Variants in CCDC62 observed in about 807,000 individuals in gnomAD.
The protein encoded by CCDC62 is coiled-coil domain containing 62.
Under a neutral mutation model 80.8 loss-of-function variants are expected in CCDC62, and 72 were observed. That is an observed-to-expected ratio of 0.89 (90% confidence interval 0.74 to 1.08). The LOEUF is 1.08. CCDC62 is among the 50% of genes least tolerant of loss of function. CCDC62 has a pLI of 0.00. For missense variants in CCDC62, 704 were observed against 809.4 expected, an observed-to-expected ratio of 0.87 and a Z score of 1.58; for synonymous variants, 286 against 296.5, an observed-to-expected ratio of 0.96 and a Z score of 0.36.
At chr12:122,781,568 C>T (rs1485063684) in intron 3 of CCDC62, among the ~76,000 whole-genome samples, 1 of 151,984 alleles carries the variant, frequency 6.6e-6, no homozygotes, top group Admixed American at 6.6e-5. Context: ...GCCTGTAGTC[C>T]CAGCTACTCA....
intron 6 of CCDC62, among the ~76,000 whole-genome samples, chr12:122,796,769 AAAT>A (rs2030981029): frequency 1.3e-5 from 2 of 152,100 alleles, no homozygotes; most frequent in Admixed American, 1.3e-4. Context: ...ATTTTTAAAT[AAAT>A]AATTGAAGTA....
chr12:122,786,222 G>A (rs372186327), intron 4 of CCDC62, among the ~76,000 whole-genome samples: 1,766 of 152,014 alleles, frequency 0.012, 36 homozygotes, highest in African/African-American at 0.041. Flanking sequence ...GTCTCAGCTC[G>A]CTGCAAGCTC....
Position 122,813,561 on chromosome 12 carries a change from G to A in CCDC62, c.2001+142G>A, listed in dbSNP as rs1437787979. On this transcript the variant is annotated intron_variant, in intron 11 of 12. Transcript: ENST00000253079. Reference sequence around the variant, plus strand: ...TCTAGGGAGGAAAGGGAACATGCTTGTTTTAAGGAGGAAAAAGTTACACTT... The same window carrying A: ...TCTAGGGAGGAAAGGGAACATGCTTATTTTAAGGAGGAAAAAGTTACACTT... The A allele has an allele frequency of 1.6e-5, 11 of 705,148 alleles. No individual in the cohort carries two copies. The East Asian group carries it at 3.4e-4, about 22-fold the overall frequency. 43.7% of individuals were successfully genotyped at this position (705,148 alleles called of 1,614,324 possible).
intron 3 of CCDC62, among the ~76,000 whole-genome samples, chr12:122,785,070 CAG>C (rs1380196646): frequency 6.7e-6 from 1 of 149,186 alleles, no homozygotes; most frequent in Non-Finnish European, 1.5e-5. Flanking sequence ...ATCCAGGAGG[CAG>C]AGGTTGCAGT....
chr12:122,810,362 T>C (rs957971112), intron 10 of CCDC62, among the ~76,000 whole-genome samples: 7 of 152,160 alleles, frequency 4.6e-5, no homozygotes, highest in African/African-American at 1.7e-4. Flanking sequence ...GGGCGAAGGA[T>C]ATGAATAGAC....
In CCDC62 at chr12:122,798,247, T is replaced by G. The variant is rs373845954; in HGVS notation, c.977+47T>G. The G allele has an allele frequency of 5.6e-5, 52 of 934,232 alleles. No homozygotes were observed. The African/African-American group carries it at 7.0e-4, about 13-fold the overall frequency. The allele number at this position is 934,232 out of a possible 1,614,324, so 57.9% of individuals were successfully genotyped here. A position where few individuals can be genotyped will look rare whatever the true frequency, so the allele number is the denominator to read the frequency against. On this transcript the variant is annotated intron_variant, in intron 8 of 12. Transcript: ENST00000253079. ...TAATATGATCTTGTATTATATTCCA[T>G]CAGCCAGTATTTACTGCGCACTTAC... is the stretch of plus-strand genomic sequence containing the variant.
chr12:122,795,747 A>T (rs1048340700), intron 6 of CCDC62, among the ~76,000 whole-genome samples: 5 of 152,152 alleles, frequency 3.3e-5, no homozygotes, highest in Admixed American at 2.0e-4. Context: ...GCTTGTACAT[A>T]ACTAGGAGTA....
chr12:122,798,435 T>C (rs2031097455), intron 8 of CCDC62, among the ~76,000 whole-genome samples: 1 of 151,822 alleles, frequency 6.6e-6, no homozygotes, highest in Non-Finnish European at 1.5e-5. Flanking sequence ...AAACCCCATC[T>C]CTACTAAAAA....
At chr12:122,824,928 T>C (rs7398546) in intron 12 of CCDC62, among the ~76,000 whole-genome samples, 121,197 of 151,270 alleles carry the variant, frequency 0.8, 49,510 homozygotes, top group Middle Eastern at 0.9. Context: ...CTACTAAAAA[T>C]ACAAAAAATT....
At chr12:122,814,361 G>A (rs1008466322) in intron 11 of CCDC62, among the ~76,000 whole-genome samples, 2 of 151,026 alleles carry the variant, frequency 1.3e-5, no homozygotes, top group African/African-American at 4.9e-5. Flanking sequence ...AGAATGGCAC[G>A]GTCACTCACC....
At chr12:122,795,072 A>G (rs1593798449) in intron 6 of CCDC62, among the ~76,000 whole-genome samples, 1 of 151,780 alleles carries the variant, frequency 6.6e-6, no homozygotes, top group Admixed American at 6.6e-5. Flanking sequence ...TTTTTCGGAG[A>G]TGGAGTCTTG....
At chr12:122,783,475 C>T (rs1002920703) in intron 3 of CCDC62, among the ~76,000 whole-genome samples, 2 of 152,084 alleles carry the variant, frequency 1.3e-5, no homozygotes, top group African/African-American at 2.4e-5. Flanking sequence ...ATCTGCCCGC[C>T]TCGGCCTCCC....
chr12:122,812,800 AAAG>A (rs1322572280), intron 10 of CCDC62, among the ~76,000 whole-genome samples: 3 of 148,220 alleles, frequency 2.0e-5, no homozygotes, highest in African/African-American at 7.6e-5. Context: ...AGAAAGAAAG[AAAG>A]AAAGAAAGAA....
chr12:122,820,469 G>A lies in CCDC62; in HGVS notation c.2002-2897G>A, dbSNP rs1300252217. On this transcript the variant is annotated intron_variant, in intron 11 of 12. Transcript: ENST00000253079. ...GAGATGGTTGGTGTTACCTGTCGGG[G>A]CTCTTGGCCTTTCTCGTGGCAGGCT... Among the ~76,000 whole-genome samples the A allele has an allele frequency of 2.6e-5, 4 of 152,164 alleles. No homozygotes were observed. In the East Asian group the frequency reaches 7.7e-4, roughly 29 times the overall value.
intron 11 of CCDC62, 112 bp downstream of exon 11, chr12:122,813,531 G>A: frequency 1.0e-6 from 1 of 959,838 alleles, no homozygotes; most frequent in Non-Finnish European, 1.5e-6. Flanking sequence ...GAGAGTTTCT[G>A]TGTCTCTAGG....
At chr12:122,803,213 C>T (rs1253194106) in intron 9 of CCDC62, among the ~76,000 whole-genome samples, 6 of 152,146 alleles carry the variant, frequency 3.9e-5, no homozygotes, top group Non-Finnish European at 8.8e-5. Flanking sequence ...CATATCCGAC[C>T]GTGCCTGCCT....
intron 10 of CCDC62, among the ~76,000 whole-genome samples, chr12:122,812,183 C>T (rs193207121): frequency 2.0e-5 from 3 of 152,118 alleles, no homozygotes; most frequent in Non-Finnish European, 2.9e-5. Context: ...TGGCTCACGC[C>T]TGTAATCCTA....
chr12:122,813,478 C>T (rs2032033553), intron 11 of CCDC62, 59 bp downstream of exon 11: 2 of 1,498,960 alleles, frequency 1.3e-6, no homozygotes, highest in Non-Finnish European at 1.8e-6. Context: ...CACTGAACAC[C>T]AGTGTGCAAA....
chr12:122,797,750 C>T (rs1230172057), intron 7 of CCDC62, among the ~76,000 whole-genome samples: 1 of 151,974 alleles, frequency 6.6e-6, no homozygotes, highest in Non-Finnish European at 1.5e-5. Context: ...CTGTGTTGGC[C>T]AGGCTGGTCT....
Sources: gnomAD v4.1 joint callset for allele counts (sites outside exome capture counted in the v4.1 genomes callset) on GRCh38, gnomAD v4.1.1 for gene constraint, MANE v1.5 for transcripts, NCBI Gene and HGNC (gene_info 2026-07-23, HGNC 2026-07-21) for gene names.